The following HS6ST2 variants were observed in gnomAD, a reference collection of about 807,000 sequenced individuals.
HS6ST2 encodes heparan sulfate 6-O-sulfotransferase 2.
A neutral mutation model predicts 33.0 loss-of-function variants in HS6ST2; 17 were observed. That is an observed-to-expected ratio of 0.52 (90% confidence interval 0.35 to 0.77). HS6ST2 has a LOEUF of 0.77. HS6ST2 is among the 30% of genes least tolerant of loss of function. The pLI is 0.01. For missense variants in HS6ST2, 519 were observed against 551.7 expected, an observed-to-expected ratio of 0.94 and a Z score of 0.59; for synonymous variants, 248 against 237.1, an observed-to-expected ratio of 1.05 and a Z score of -0.42.
chrX:132,724,651 AT>A (rs1366191384), intron 2 of HS6ST2, among the ~76,000 whole-genome samples: 17 of 111,964 alleles, frequency 1.5e-4, no homozygotes, highest in Admixed American at 3.8e-4. Context: ...TAGCAAAAAA[AT>A]CATCCTAAAA....
At chrX:132,636,130 A>G (rs1913688813) in intron 4 of HS6ST2, among the ~76,000 whole-genome samples, 1 of 111,654 alleles carries the variant, frequency 9.0e-6, no homozygotes, top group African/African-American at 3.3e-5. Flanking sequence ...AGAACCATGT[A>G]TCTATCCTCA....
chrX:132,805,025 C>T (rs1602696343), intron 2 of HS6ST2, among the ~76,000 whole-genome samples: 1 of 111,185 alleles, frequency 9.0e-6, no homozygotes, highest in East Asian at 2.8e-4. Context: ...CTGCCACTGT[C>T]CACAGATGTT....
At chrX:132,768,335 C>CAAAA (rs771487342) in intron 2 of HS6ST2, among the ~76,000 whole-genome samples, 2 of 46,298 alleles carry the variant, frequency 4.3e-5, no homozygotes, top group African/African-American at 1.6e-4. Flanking sequence ...GACTCTGTCT[C>CAAAA]AAAAAAAAAA....
At chrX:132,857,031 A>G (rs960177970) in intron 2 of HS6ST2, among the ~76,000 whole-genome samples, 5 of 112,183 alleles carry the variant, frequency 4.5e-5, no homozygotes, top group African/African-American at 9.7e-5. Flanking sequence ...ATAATGGGAG[A>G]AAATACTTCA....
intron 2 of HS6ST2, among the ~76,000 whole-genome samples, chrX:132,952,312 G>A (rs192675540): frequency 9.1e-6 from 1 of 109,872 alleles, no homozygotes; most frequent in East Asian, 2.8e-4. Flanking sequence ...AGCTAAGATG[G>A]TACCACAGCT....
At chrX:132,659,407 T>C (rs915709446) in intron 4 of HS6ST2, among the ~76,000 whole-genome samples, 1 of 111,817 alleles carries the variant, frequency 8.9e-6, no homozygotes, top group Non-Finnish European at 1.9e-5. Context: ...TTCCCATTCT[T>C]AGGTTGCTTG....
chrX:132,907,303 C>T (rs1168360054), intron 2 of HS6ST2: 2 of 114,909 alleles, frequency 1.7e-5, no homozygotes, highest in Non-Finnish European at 3.7e-5. Flanking sequence ...CCTCCAACAA[C>T]TCTATGAGTT....
chrX:132,946,252 C>T (rs1347238215), intron 2 of HS6ST2, among the ~76,000 whole-genome samples: 1 of 111,836 alleles, frequency 8.9e-6, no homozygotes, highest in Non-Finnish European at 1.9e-5. Context: ...TACCGTTTGA[C>T]CCAGCCATCC....
intron 2 of HS6ST2, among the ~76,000 whole-genome samples, chrX:132,951,640 C>T (rs1258289170): frequency 8.9e-6 from 1 of 111,891 alleles, no homozygotes; most frequent in Non-Finnish European, 1.9e-5. Context: ...CATAGTCCTG[C>T]ACTTCACATG....
chrX:132,871,835 C>T (rs1360239943), intron 2 of HS6ST2, among the ~76,000 whole-genome samples: 3 of 109,966 alleles, frequency 2.7e-5, no homozygotes, highest in African/African-American at 6.7e-5. Flanking sequence ...ATGTAGATGA[C>T]GGGTTGATAA....
rs779651716 is a variant in HS6ST2, at chrX:132,824,762, G to T, written c.948-116268C>A. Among the ~76,000 whole-genome samples, 20 of 112,286 alleles carry T rather than the reference G, an allele frequency of 1.8e-4. 1 individual carries two copies. The highest frequency in any genetic ancestry group is 3.7e-4 in the South Asian group (1 of 2,688). ...AAGTCATTGCTTTTCTCTTAAATGC[G>T]AGTTTAAAAGATTTACTGCATTAAA... On this transcript the variant is annotated intron_variant, in intron 2 of 4. Coordinates refer to ENST00000370833, the MANE Select transcript of HS6ST2 (RefSeq NM_001394073.1).
At chrX:132,634,550 G>A (rs1487911450) in intron 4 of HS6ST2, among the ~76,000 whole-genome samples, 2 of 112,013 alleles carry the variant, frequency 1.8e-5, no homozygotes, top group African/African-American at 6.5e-5. Context: ...CACAGTTAAA[G>A]GTTTACCACC....
chrX:132,772,670 A>C (rs1228994226), intron 2 of HS6ST2, among the ~76,000 whole-genome samples: 9 of 99,042 alleles, frequency 9.1e-5, no homozygotes, highest in African/African-American at 3.3e-4. Flanking sequence ...CAATATAATT[A>C]TATTGTATAC....
intron 2 of HS6ST2, among the ~76,000 whole-genome samples, chrX:132,848,197 C>A (rs921293304): frequency 7.2e-5 from 8 of 111,825 alleles, no homozygotes; most frequent in African/African-American, 2.3e-4. Context: ...GTATTTAACA[C>A]GAGATCAGAA....
At chrX:132,776,069 GAA>G (rs57188995) in intron 2 of HS6ST2, among the ~76,000 whole-genome samples, 55,297 of 109,945 alleles carry the variant, frequency 0.5, 10,369 homozygotes, top group African/African-American at 0.57. Context: ...TTGACAAAAT[GAA>G]AAAAAAGTTT....
At chrX:132,876,124 T>C (rs1365563292) in intron 2 of HS6ST2, among the ~76,000 whole-genome samples, 3 of 111,845 alleles carry the variant, frequency 2.7e-5, no homozygotes, top group Non-Finnish European at 5.6e-5. Context: ...GTGACAAATA[T>C]GTGCTTGCTT....
intron 2 of HS6ST2, among the ~76,000 whole-genome samples, chrX:132,855,042 T>G (rs1482681721): frequency 1.2e-4 from 13 of 112,367 alleles, no homozygotes; most frequent in Non-Finnish European, 7.5e-5. Context: ...TCAAATGTAT[T>G]TGAACTGAGT....
intron 3 of HS6ST2, among the ~76,000 whole-genome samples, chrX:132,682,528 T>C (rs1569480553): frequency 8.9e-6 from 1 of 111,778 alleles, no homozygotes; most frequent in Non-Finnish European, 1.9e-5. Flanking sequence ...ATATAAACAA[T>C]CCTTTGTGGC....
chrX:132,794,712 A>G (rs768444076), intron 2 of HS6ST2, among the ~76,000 whole-genome samples: 19 of 111,238 alleles, frequency 1.7e-4, no homozygotes, highest in Admixed American at 2.9e-4. Context: ...GGCGTAAGCC[A>G]CTGCACCTGG....
Sources: allele counts gnomAD v4.1 joint callset (sites outside exome capture counted in the v4.1 genomes callset), GRCh38; gene constraint gnomAD v4.1.1; transcripts MANE v1.5; gene names NCBI Gene and HGNC (gene_info 2026-07-23, HGNC 2026-07-21).